BPNT2: variants seen among roughly 807,000 people sequenced by gnomAD.
BPNT2 encodes the protein Golgi-resident adenosine 3',5'-bisphosphate 3'-phosphatase.
BPNT2 carries 11 observed loss-of-function variants against 29.3 expected under a neutral mutation model. The observed-to-expected ratio is 0.38, with a 90% confidence interval of 0.24 to 0.62. The LOEUF is 0.62. Ranked by LOEUF, BPNT2 falls within the 20% of genes least tolerant of loss-of-function variation. BPNT2 has a pLI of 0.62. For synonymous variants in BPNT2, 195 were observed against 187.7 expected (o/e 1.04, Z -0.32); for missense variants, 459 against 473.4 (o/e 0.97, Z 0.28).
At chr8:56,987,702 C>T (rs1806348361) in intron 1 of BPNT2, among the ~76,000 whole-genome samples, 1 of 151,790 alleles carries the variant, frequency 6.6e-6, no homozygotes, top group Non-Finnish European at 1.5e-5. Flanking sequence ...GAACCCTGAC[C>T]AATACAGTAG....
intron 3 of BPNT2, among the ~76,000 whole-genome samples, chr8:56,973,103 T>C (rs895970558): frequency 9.8e-5 from 15 of 152,322 alleles, no homozygotes; most frequent in Admixed American, 9.2e-4. Context: ...GAATCCTTTT[T>C]CTGGATTGAG....
At chr8:56,983,987 C>G (rs577763656) in intron 1 of BPNT2, among the ~76,000 whole-genome samples, 112 of 151,928 alleles carry the variant, frequency 7.4e-4, no homozygotes, top group Non-Finnish European at 1.0e-3. Context: ...CAGACTACCT[C>G]AGATGAATGA....
intron 1 of BPNT2, among the ~76,000 whole-genome samples, chr8:56,980,632 T>C (rs1206518490): frequency 3.5e-5 from 5 of 143,564 alleles, no homozygotes; most frequent in Admixed American, 7.0e-5. Context: ...ATTTTCTACC[T>C]TTTTTTTTTT....
chr8:56,975,352 G>T (rs926520086), intron 3 of BPNT2, among the ~76,000 whole-genome samples: 1 of 152,178 alleles, frequency 6.6e-6, no homozygotes, highest in Non-Finnish European at 1.5e-5. Flanking sequence ...GATTTACACT[G>T]TGTGTAGCTA....
Position 56,978,153 on chromosome 8 carries a change from A to G in BPNT2, c.551-8T>C, listed in dbSNP as rs1806176472. ...CGTACTTTCGAAGATCCTCTATGAG[A>G]AAAAAAACAAAACAACACACACAAA... On this transcript the variant is annotated splice_region_variant and splice_polypyrimidine_tract_variant and intron_variant, in intron 2 of 4. Transcript: ENST00000262644. 1 of 1,518,646 alleles carries G rather than the reference A, an allele frequency of 6.6e-7. No homozygotes were observed. Among genetic ancestry groups the G allele is most frequent in the Middle Eastern group, 1.7e-4 (1 of 5,900 alleles). The allele number at this position is 1,518,646 out of a possible 1,614,324, so 94.1% of individuals were successfully genotyped here.
At chr8:56,986,816 T>C (rs1806332703) in intron 1 of BPNT2, among the ~76,000 whole-genome samples, 1 of 152,230 alleles carries the variant, frequency 6.6e-6, no homozygotes, top group Non-Finnish European at 1.5e-5. Flanking sequence ...GTATGGGTAC[T>C]ACAAGTATAG....
chr8:56,989,828 T>C (rs1338110696), intron 1 of BPNT2, among the ~76,000 whole-genome samples: 1 of 152,206 alleles, frequency 6.6e-6, no homozygotes, highest in Non-Finnish European at 1.5e-5. Flanking sequence ...TCTTCCACAA[T>C]AATTCTCCCA....
intron 3 of BPNT2, among the ~76,000 whole-genome samples, chr8:56,967,928 C>T (rs774845748): frequency 6.6e-6 from 1 of 152,148 alleles, no homozygotes; most frequent in Non-Finnish European, 1.5e-5. Flanking sequence ...TCCCTTCCTG[C>T]CACCAACCTT....
rs1805885736 is a variant in BPNT2, at chr8:56,963,739, A to G, written c.*54T>C. On this transcript the variant is annotated 3_prime_UTR_variant, in exon 5 of 5. Coordinates refer to ENST00000262644, the MANE Select transcript of BPNT2 (RefSeq NM_017813.5). ...CCACCAATCCTTTGAAGCTTCCAGC[A>G]TCTCAGGCTAACCATTTCAGCTGTG... The G allele has an allele frequency of 7.5e-6, 12 of 1,600,048 alleles. No homozygotes were observed. The highest frequency in any genetic ancestry group is 2.2e-5 in the South Asian group (2 of 90,666).
At chr8:56,981,421 C>T (rs1184939251) in intron 1 of BPNT2, among the ~76,000 whole-genome samples, 1 of 151,960 alleles carries the variant, frequency 6.6e-6, no homozygotes, top group Non-Finnish European at 1.5e-5. Context: ...AAAAATTAGC[C>T]AGGCATGGTG....
At chr8:56,989,250 T>C (rs1806373017) in intron 1 of BPNT2, among the ~76,000 whole-genome samples, 1 of 152,104 alleles carries the variant, frequency 6.6e-6, no homozygotes, top group East Asian at 1.9e-4. Context: ...GCGGCACCTG[T>C]AGTCCCAGCT....
In BPNT2 at chr8:56,961,884, C is replaced by G. The variant is rs1229061529; in HGVS notation, c.*1909G>C. ...CTGCTAATATGAACTAGTTTGCTTC[C>G]CATTAAATCAGAGTTCCCATAAAAC... On this transcript the variant is annotated 3_prime_UTR_variant, in exon 5 of 5. Coordinates refer to ENST00000262644, the MANE Select transcript of BPNT2 (RefSeq NM_017813.5). 6.6e-6 allele frequency: 1 copy of G among 152,000 alleles called. No individual in the cohort carries two copies. Among genetic ancestry groups the G allele is most frequent in the East Asian group, 1.9e-4 (1 of 5,200 alleles). 9.4% of individuals were successfully genotyped at this position (152,000 alleles called of 1,614,324 possible). A position where few individuals can be genotyped will look rare whatever the true frequency, so the allele number is the denominator to read the frequency against.
Position 56,993,442 on chromosome 8 carries a change from G to GCCGCCGCCAGGCTCGCCGCC in BPNT2, c.124_143dup (p.Gly51SerfsTer38). The GCCGCCGCCAGGCTCGCCGCC allele has an allele frequency of 6.8e-7, 1 of 1,476,272 alleles. No individual in the cohort carries two copies. The highest frequency in any genetic ancestry group is 8.9e-7 in the Non-Finnish European group (1 of 1,118,490). 91.4% of individuals were successfully genotyped at this position (1,476,272 alleles called of 1,614,324 possible). On this transcript the variant is annotated frameshift_variant, in exon 1 of 5. Coordinates refer to ENST00000262644, the MANE Select transcript of BPNT2 (RefSeq NM_017813.5). LOFTEE classifies it high-confidence loss of function. The stretch of plus-strand genomic sequence containing the variant: ...CGGCCGCGGCCGCGGGCCCCGCCGC[G>GCCGCCGCCAGGCTCGCCGCC]CCGCCGCCAGGCTCGCCGCCCAGGC...
At chr8:56,966,402 A>C (rs750837346) in intron 3 of BPNT2, 50 bp from the exon 4 acceptor site, 12 of 1,508,962 alleles carry the variant, frequency 8.0e-6, no homozygotes, top group Non-Finnish European at 3.7e-6. Context: ...TTTAAAACTA[A>C]AGGTTATATT....
intron 3 of BPNT2, among the ~76,000 whole-genome samples, chr8:56,971,447 A>G (rs574322671): frequency 1.8e-4 from 28 of 152,184 alleles, no homozygotes; most frequent in South Asian, 1.7e-3. Flanking sequence ...ACATCCAGAT[A>G]TTTTTCAATA....
At chr8:56,970,585 G>C (rs1806014444) in intron 3 of BPNT2, among the ~76,000 whole-genome samples, 1 of 152,116 alleles carries the variant, frequency 6.6e-6, no homozygotes. Context: ...GAAGCAATCA[G>C]CTGTAAAATC....
intron 3 of BPNT2, among the ~76,000 whole-genome samples, chr8:56,967,444 C>T (rs1325635946): frequency 6.6e-6 from 1 of 152,116 alleles, no homozygotes; most frequent in East Asian, 1.9e-4. Flanking sequence ...CACTGAAGAA[C>T]AGCAGGATAA....
At chr8:56,992,170 ACT>A (rs1806427970) in intron 1 of BPNT2, among the ~76,000 whole-genome samples, 2 of 152,156 alleles carry the variant, frequency 1.3e-5, no homozygotes, top group Non-Finnish European at 1.5e-5. Context: ...TATTCTCCTA[ACT>A]CTTTCAAGAT....
intron 3 of BPNT2, among the ~76,000 whole-genome samples, chr8:56,966,715 A>G (rs1235749081): frequency 6.6e-6 from 1 of 152,152 alleles, no homozygotes; most frequent in Non-Finnish European, 1.5e-5. Flanking sequence ...TGTGATCCCA[A>G]CAGCACTCCC....
Sources: allele counts gnomAD v4.1 joint callset (sites outside exome capture counted in the v4.1 genomes callset), GRCh38; gene constraint gnomAD v4.1.1; transcripts MANE v1.5; gene names NCBI Gene and HGNC (gene_info 2026-07-23, HGNC 2026-07-21).